Variants in TRPM8 observed in about 807,000 individuals in gnomAD.
The protein encoded by TRPM8 is transient receptor potential cation channel subfamily M member 8.
A neutral mutation model predicts 133.7 loss-of-function variants in TRPM8; 110 were observed. The ratio of observed to expected loss-of-function variants is 0.82; its 90% CI spans 0.70 to 0.96. The LOEUF is 0.96. Among genes scored for constraint, TRPM8 ranks in the 40% least tolerant of loss-of-function variants. The probability of loss-of-function intolerance (pLI) is 0.00; values close to 1 mark genes in which losing one functional copy is unlikely to be tolerated. For missense variants in TRPM8, 1,291 were observed against 1,379.5 expected (o/e 0.94, Z 1.02); for synonymous variants, 535 against 532.3 (o/e 1.01, Z -0.07).
chr2:233,982,680 T>G (rs890447335), intron 19 of TRPM8, among the ~76,000 whole-genome samples: 1 of 152,172 alleles, frequency 6.6e-6, no homozygotes, highest in Non-Finnish European at 1.5e-5. Context: ...ACCAACAAAC[T>G]ACAAAAATAA....
Position 233,939,189 on chromosome 2 carries a change from C to A in TRPM8, c.526+14C>A, listed in dbSNP as rs777319739. On this transcript the variant is annotated intron_variant, in intron 5 of 25. Coordinates refer to ENST00000324695, the MANE Select transcript of TRPM8 (RefSeq NM_024080.5). ...CGCAGTCCAAAGGTGAGGGTGGGAG[C>A]AGCGACCGCGGGTTCTTCCATTCGG... 1.2e-6 allele frequency: 2 copies of A among 1,611,724 alleles called. No homozygotes were observed. The highest frequency in any genetic ancestry group is 1.7e-5 in the Admixed American group (1 of 59,978).
At position 233,946,157 on chromosome 2, in the gene TRPM8, A is replaced by G. The variant is rs184835336; in HGVS notation, c.874+127A>G. ...CACCTGATCAGGTATTTTTATTGCC[A>G]AAGAACTGTTATTTCTCTTAATTTT... On this transcript the variant is annotated intron_variant, in intron 7 of 25. Transcript: ENST00000324695. The G allele has an allele frequency of 5.0e-5, 46 of 918,480 alleles. No homozygotes were observed. In the South Asian group the frequency reaches 6.7e-4, roughly 13 times the overall value. The allele number at this position is 918,480 out of a possible 1,614,324, so 56.9% of individuals were successfully genotyped here.
chr2:233,927,922 C>T lies in TRPM8; in HGVS notation c.117+1268C>T, dbSNP rs867824630. ...TCTTTCTTTCTTTCTCTCTCTCTCT[C>T]TTTCTCTCTCTCTCTCTCTCTCTCT... On this transcript the variant is annotated intron_variant, in intron 2 of 25. Coordinates refer to ENST00000324695, the MANE Select transcript of TRPM8 (RefSeq NM_024080.5). Among the ~76,000 whole-genome samples, 10 of 40,028 alleles carry T rather than the reference C, an allele frequency of 2.5e-4. 1 individual carries two copies. In the East Asian group the frequency reaches 3.3e-3, roughly 13 times the overall value. The allele number at this position is 40,028 out of a possible 152,430, so 26.3% of individuals were successfully genotyped here.
Position 233,964,551 on chromosome 2 carries a change from CAAAAAAAAAA to C in TRPM8, c.1750-60_1750-51del, listed in dbSNP as rs34817253. 88 of 571,658 alleles carry C rather than the reference CAAAAAAAAAA, an allele frequency of 1.5e-4. No individual in the cohort carries two copies. The African/African-American group carries it at 2.2e-3, about 14-fold the overall frequency. 35.4% of individuals were successfully genotyped at this position (571,658 alleles called of 1,614,324 possible). A position where few individuals can be genotyped will look rare whatever the true frequency, so the allele number is the denominator to read the frequency against. On this transcript the variant is annotated intron_variant, in intron 13 of 25. Coordinates refer to ENST00000324695, the MANE Select transcript of TRPM8 (RefSeq NM_024080.5). ...TGGGTCACAGAGTGAGACTCCGTCT[CAAAAAAAAAA>C]AAAAAAAAAAAAAAAAGAAAAGGAA...
intron 2 of TRPM8, among the ~76,000 whole-genome samples, chr2:233,927,787 T>TTCCTTCCTTCCTTCCTTCCTTCCTTCC (rs1691567349): frequency 1.2e-4 from 4 of 33,704 alleles, no homozygotes; most frequent in Non-Finnish European, 1.7e-4. Context: ...TCTTTCTTTC[T>TTCCTTCCTTCCTTCCTTCCTTCCTTCC]TTCTTTTCTT....
At chr2:233,974,483 C>T (rs936488222) in intron 17 of TRPM8, among the ~76,000 whole-genome samples, 16 of 152,262 alleles carry the variant, frequency 1.1e-4, no homozygotes, top group East Asian at 9.7e-4. Context: ...CCACCCACCT[C>T]GGCCTCCCAA....
Position 233,970,161 on chromosome 2 carries a change from C to T in TRPM8, c.2139-49C>T, listed in dbSNP as rs753884959. On this transcript the variant is annotated intron_variant, in intron 16 of 25. Coordinates refer to ENST00000324695, the MANE Select transcript of TRPM8 (RefSeq NM_024080.5). The stretch of plus-strand genomic sequence containing the variant: ...TTTGGAAGGAGGGGAGGGCTGTGCC[C>T]GTCCCATGCTTGCAAGGATGCTGAC... 1.6e-5 allele frequency: 24 copies of T among 1,529,956 alleles called. No homozygotes were observed. The East Asian group carries it at 1.8e-4, about 11-fold the overall frequency. 94.8% of individuals were successfully genotyped at this position (1,529,956 alleles called of 1,614,324 possible).
At chr2:234,009,545 A>T (rs1191006698) in intron 24 of TRPM8, among the ~76,000 whole-genome samples, 4 of 152,132 alleles carry the variant, frequency 2.6e-5, no homozygotes, top group Non-Finnish European at 5.9e-5. Context: ...GGACCAGCTG[A>T]CCTGACTCCT....
rs923227027 is a variant in TRPM8, at chr2:233,937,207, G to C, written c.192-146G>C. The C allele has an allele frequency of 3.8e-6, 4 of 1,057,358 alleles. No homozygotes were observed. The African/African-American group carries it at 6.4e-5, about 17-fold the overall frequency. The allele number at this position is 1,057,358 out of a possible 1,614,324, so 65.5% of individuals were successfully genotyped here. ...CACCGCACCCGTCCACATCAAACTA[G>C]TTTCTACACAACCAAGATGATGAAA... On this transcript the variant is annotated intron_variant, in intron 3 of 25. Transcript: ENST00000324695.
intron 12 of TRPM8, among the ~76,000 whole-genome samples, chr2:233,962,803 A>T (rs556731551): frequency 3.2e-4 from 48 of 152,372 alleles, no homozygotes; most frequent in African/African-American, 1.2e-3. Flanking sequence ...TGAAAGGTAC[A>T]GAATGGTGAA....
At chr2:233,943,067 C>CTTTTTTT (rs67315288) in intron 6 of TRPM8, 161 of 178,514 alleles carry the variant, frequency 9.0e-4, no homozygotes, top group African/African-American at 3.2e-3. Context: ...ACTGCAGTAT[C>CTTTTTTT]TTTTTTTTTT....
chr2:233,936,490 G>A (rs6711120), intron 3 of TRPM8, among the ~76,000 whole-genome samples: 63,215 of 152,152 alleles, frequency 0.42, 18,553 homozygotes, highest in African/African-American at 0.81. Flanking sequence ...CAAATTATTG[G>A]AAGTCTCTCT....
At chr2:233,929,560 T>C (rs1415876316) in intron 2 of TRPM8, among the ~76,000 whole-genome samples, 1 of 152,218 alleles carries the variant, frequency 6.6e-6, no homozygotes, top group Non-Finnish European at 1.5e-5. Flanking sequence ...GCTGCCAGTA[T>C]CTGGTGACCT....
chr2:233,925,202 T>A (rs1273591924), intron 1 of TRPM8, among the ~76,000 whole-genome samples: 1 of 152,226 alleles, frequency 6.6e-6, no homozygotes, highest in African/African-American at 2.4e-5. Context: ...CAAGGGAGTA[T>A]TGATTCAATC....
chr2:233,960,717 T>C, intron 11 of TRPM8, 59 bp from the exon 12 acceptor site: 1 of 1,441,920 alleles, frequency 6.9e-7, no homozygotes. Context: ...AAATGCCTAG[T>C]GCTTTCCTTA....
chr2:233,963,804 C>T (rs1442213947), intron 13 of TRPM8, among the ~76,000 whole-genome samples: 1 of 152,166 alleles, frequency 6.6e-6, no homozygotes, highest in Non-Finnish European at 1.5e-5. Context: ...ACTCACATTA[C>T]TTTATTTTGA....
At chr2:233,946,812 G>A (rs1691055195) in intron 7 of TRPM8, among the ~76,000 whole-genome samples, 1 of 152,196 alleles carries the variant, frequency 6.6e-6, no homozygotes, top group African/African-American at 2.4e-5. Context: ...TAATTTATAG[G>A]TGCAATGGTA....
At position 233,985,845 on chromosome 2, in the gene TRPM8, C is replaced by T; in HGVS notation, c.2919C>T (p.Asn973=). The T allele has an allele frequency of 6.2e-7, 1 of 1,613,936 alleles. No individual in the cohort carries two copies. The highest frequency in any genetic ancestry group is 8.5e-7 in the Non-Finnish European group (1 of 1,179,904). The part of the protein sequence containing the change: ...YMLSTNILLV[N]LLVAMFGYTV... ...TATCCACCAACATCCTGCTGGTCAA[C>T]CTGCTGGTCGCCATGTTTGGGTATG... Residue 973 remains asparagine, a synonymous_variant, in exon 21 of 26, where the codon AAC becomes AAT. Transcript: ENST00000324695.
intron 25 of TRPM8, among the ~76,000 whole-genome samples, chr2:234,016,974 T>C (rs1257725264): frequency 6.6e-6 from 1 of 152,184 alleles, no homozygotes; most frequent in East Asian, 1.9e-4. Flanking sequence ...TTTTTAAAAA[T>C]TTATGCAGAA....
Sources: gnomAD v4.1 joint callset for allele counts (sites outside exome capture counted in the v4.1 genomes callset) on GRCh38, gnomAD v4.1.1 for gene constraint, MANE v1.5 for transcripts, NCBI Gene and HGNC (gene_info 2026-07-23, HGNC 2026-07-21) for gene names.